Variants in PRKD1 observed in about 807,000 individuals in gnomAD.
The protein encoded by PRKD1 is protein kinase D1.
Under a neutral mutation model 95.9 loss-of-function variants are expected in PRKD1, and 63 were observed. The observed-to-expected ratio is 0.66, with a 90% CI of 0.54 to 0.81. The LOEUF is 0.81. Among genes scored for constraint, PRKD1 ranks in the 30% least tolerant of loss-of-function variants. PRKD1 has a pLI of 0.00. For synonymous variants in PRKD1, 425 were observed against 423.1 expected, an observed-to-expected ratio of 1.00 and a Z score of -0.05; for missense variants, 1,048 against 1,165.3, an observed-to-expected ratio of 0.90 and a Z score of 1.47.
chr14:29,911,034 A>G (rs1186542394), intron 1 of PRKD1, among the ~76,000 whole-genome samples: 1 of 152,192 alleles, frequency 6.6e-6, no homozygotes, highest in Non-Finnish European at 1.5e-5. Context: ...CAAAACCATA[A>G]TATCATTACT....
intron 16 of PRKD1, among the ~76,000 whole-genome samples, chr14:29,580,398 TC>T (rs1892715809): frequency 6.6e-6 from 1 of 152,088 alleles, no homozygotes; most frequent in Non-Finnish European, 1.5e-5. Context: ...GGCAACTACT[TC>T]CAAGAGAAAA....
At chr14:29,672,543 A>G (rs1203160437) in intron 2 of PRKD1, among the ~76,000 whole-genome samples, 1 of 152,100 alleles carries the variant, frequency 6.6e-6, no homozygotes, top group African/African-American at 2.4e-5. Context: ...ATCTCTGGTG[A>G]CAAGATGACT....
chr14:29,855,097 C>T (rs533999524), intron 1 of PRKD1, among the ~76,000 whole-genome samples: 2 of 152,292 alleles, frequency 1.3e-5, no homozygotes, highest in East Asian at 1.9e-4. Context: ...GGGTTGGAGC[C>T]CTCAACAGAG....
chr14:29,881,623 T>C (rs1893514921), intron 1 of PRKD1, among the ~76,000 whole-genome samples: 1 of 152,136 alleles, frequency 6.6e-6, no homozygotes, highest in African/African-American at 2.4e-5. Context: ...TAAGTTTGGT[T>C]GTGGGCCATT....
intron 2 of PRKD1, among the ~76,000 whole-genome samples, chr14:29,693,185 A>C (rs1378882280): frequency 6.6e-6 from 1 of 152,138 alleles, no homozygotes; most frequent in Non-Finnish European, 1.5e-5. Context: ...TAAATTCTAA[A>C]AATGTTGAAA....
At chr14:29,771,834 G>A (rs577758877) in intron 1 of PRKD1, among the ~76,000 whole-genome samples, 5 of 152,336 alleles carry the variant, frequency 3.3e-5, no homozygotes, top group African/African-American at 9.6e-5. Context: ...AATCTAAGAA[G>A]ATTATTCACA....
intron 1 of PRKD1, among the ~76,000 whole-genome samples, chr14:29,925,651 G>T (rs1380747798): frequency 6.6e-6 from 1 of 152,156 alleles, no homozygotes; most frequent in South Asian, 2.1e-4. Context: ...GTGGGGGGCG[G>T]GGTGGAGGGA....
At chr14:29,884,982 G>T (rs1304723090) in intron 1 of PRKD1, among the ~76,000 whole-genome samples, 1 of 152,014 alleles carries the variant, frequency 6.6e-6, no homozygotes, top group African/African-American at 2.4e-5. Flanking sequence ...AATTAGCCGG[G>T]CATCGTGGTG....
intron 1 of PRKD1, among the ~76,000 whole-genome samples, chr14:29,926,893 T>C (rs1566675880): frequency 2.0e-5 from 3 of 150,562 alleles, no homozygotes; most frequent in South Asian, 4.2e-4. Context: ...CCAGGGTCCG[T>C]AGGGGAGAGA....
chr14:29,844,549 T>C (rs2093595375), intron 1 of PRKD1, among the ~76,000 whole-genome samples: 2 of 152,070 alleles, frequency 1.3e-5, no homozygotes, highest in Admixed American at 6.6e-5. Flanking sequence ...ATATATAAAT[T>C]CAGTAAAGTG....
chr14:29,697,367 A>T (rs2139315546), intron 2 of PRKD1, among the ~76,000 whole-genome samples: 1 of 152,360 alleles, frequency 6.6e-6, no homozygotes, highest in Admixed American at 6.5e-5. Context: ...TAACAGCATT[A>T]GCACAACTCC....
At chr14:29,904,083 G>A (rs1894413891) in intron 1 of PRKD1, among the ~76,000 whole-genome samples, 1 of 152,050 alleles carries the variant, frequency 6.6e-6, no homozygotes, top group South Asian at 2.1e-4. Context: ...AAGTTTATAG[G>A]TACTTATTTT....
In PRKD1 at chr14:29,578,177, C is replaced by G. The variant is rs923736718; in HGVS notation, c.2520+98G>C. ...GCAAATAAATTGATATTAGAATAAT[C>G]ACACTTTAAAAATTATTGCAAAAGA... On this transcript the variant is annotated intron_variant, in intron 17 of 17. Coordinates refer to ENST00000331968, the MANE Select transcript of PRKD1 (RefSeq NM_002742.3). 2.6e-5 allele frequency: 24 copies of G among 929,562 alleles called. No homozygotes were observed. The African/African-American group carries it at 3.8e-4, about 15-fold the overall frequency. 57.6% of individuals were successfully genotyped at this position (929,562 alleles called of 1,614,324 possible).
At chr14:29,833,949 G>A (rs1891513293) in intron 1 of PRKD1, among the ~76,000 whole-genome samples, 1 of 151,784 alleles carries the variant, frequency 6.6e-6, no homozygotes, top group Admixed American at 6.6e-5. Flanking sequence ...AACCTCTCAA[G>A]GCAAAATACA....
chr14:29,901,954 T>G (rs1175106855), intron 1 of PRKD1, among the ~76,000 whole-genome samples: 1 of 152,202 alleles, frequency 6.6e-6, no homozygotes, highest in African/African-American at 2.4e-5. Flanking sequence ...AGAACAGAGT[T>G]TGACACATAC....
At chr14:29,672,466 G>A (rs780443844) in intron 2 of PRKD1, among the ~76,000 whole-genome samples, 6 of 151,986 alleles carry the variant, frequency 3.9e-5, no homozygotes, top group Non-Finnish European at 7.4e-5. Flanking sequence ...TACCTGCTGA[G>A]CAAAAAGTTA....
At chr14:29,745,696 C>G (rs1040869681) in intron 1 of PRKD1, among the ~76,000 whole-genome samples, 8 of 151,868 alleles carry the variant, frequency 5.3e-5, no homozygotes, top group Non-Finnish European at 1.0e-4. Context: ...AGGCTGGTCT[C>G]AAACATCTGG....
intron 1 of PRKD1, among the ~76,000 whole-genome samples, chr14:29,903,867 T>C (rs757318384): frequency 3.3e-5 from 5 of 152,088 alleles, no homozygotes; most frequent in Non-Finnish European, 7.4e-5. Context: ...TTTCAGAAAA[T>C]TTAAATTTAT....
chr14:29,731,865 T>C (rs1566567219), intron 1 of PRKD1, among the ~76,000 whole-genome samples: 1 of 149,124 alleles, frequency 6.7e-6, no homozygotes, highest in South Asian at 2.2e-4. Context: ...TGACAATCTC[T>C]ACTTTTTTTT....
Sources: allele counts gnomAD v4.1 joint callset (sites outside exome capture counted in the v4.1 genomes callset), GRCh38; gene constraint gnomAD v4.1.1; transcripts MANE v1.5; gene names NCBI Gene and HGNC (gene_info 2026-07-23, HGNC 2026-07-21).